POLH: variants seen among roughly 807,000 people sequenced by gnomAD.
POLH encodes the protein DNA polymerase eta transcript.
POLH carries 53 observed loss-of-function variants against 73.6 expected under a neutral mutation model. The observed-to-expected ratio is 0.72, with a 90% CI of 0.58 to 0.91. The LOEUF is 0.91. Ranked by LOEUF, POLH falls within the 40% of genes least tolerant of loss-of-function variation. POLH has a pLI of 0.00. For synonymous variants in POLH, 292 were observed against 308.5 expected (o/e 0.95, Z 0.56); for missense variants, 768 against 865.4 (o/e 0.89, Z 1.41).
chr6:43,576,894 G>A (rs1336771226), intron 1 of POLH, among the ~76,000 whole-genome samples: 1 of 152,204 alleles, frequency 6.6e-6, no homozygotes, highest in Non-Finnish European at 1.5e-5. Flanking sequence ...GGTGGCTCAC[G>A]CCTGTAATCC....
At chr6:43,579,565 T>G (rs1241332932) in intron 1 of POLH, among the ~76,000 whole-genome samples, 1 of 152,196 alleles carries the variant, frequency 6.6e-6, no homozygotes, top group East Asian at 1.9e-4. Context: ...ACTAGTAAAT[T>G]TGATTACCTG....
intron 7 of POLH, among the ~76,000 whole-genome samples, chr6:43,604,262 A>G (rs1227606643): frequency 6.6e-6 from 1 of 152,246 alleles, no homozygotes; most frequent in Non-Finnish European, 1.5e-5. Flanking sequence ...TACTAATTAC[A>G]TCATTCATGC....
chr6:43,589,879 A>AT (rs1188445812), intron 4 of POLH, among the ~76,000 whole-genome samples: 1 of 150,088 alleles, frequency 6.7e-6, no homozygotes, highest in Non-Finnish European at 1.5e-5. Context: ...GCTTTTATAT[A>AT]TTTTTTTCAT....
chr6:43,597,845 G>T lies in POLH; in HGVS notation c.640G>T (p.Ala214Ser). 1 of 1,613,686 alleles carries T rather than the reference G, an allele frequency of 6.2e-7. No homozygotes were observed. The highest frequency in any genetic ancestry group is 8.5e-7 in the Non-Finnish European group (1 of 1,179,606). Residue 214 changes from alanine (A) to serine (S), a missense_variant, in exon 5 of 11, where the codon GCT becomes TCT. Ala to Ser is a moderately conservative substitution (Grantham distance 99). Transcript: ENST00000372236. The stretch of plus-strand genomic sequence containing the variant: ...GAGGGAGACTGGTTTTCAGTGTTCA[G>T]CTGGAATTTCACACAATAAGGTGAA... ...IERETGFQCS[A>S]GISHNKVLAK...
intron 2 of POLH, 85 bp downstream of exon 2, chr6:43,582,541 T>C (rs1764393489): frequency 7.2e-7 from 1 of 1,384,136 alleles, no homozygotes; most frequent in Non-Finnish European, 1.0e-6. Context: ...GTGGTGGTGG[T>C]GGTGGTGACA....
At chr6:43,612,346 C>CT (rs112706817) in intron 10 of POLH, among the ~76,000 whole-genome samples, 18,837 of 137,388 alleles carry the variant, frequency 0.14, 3,028 homozygotes, top group African/African-American at 0.39. Context: ...TATTGGGATA[C>CT]TTTTTTTTTT....
intron 1 of POLH, among the ~76,000 whole-genome samples, chr6:43,580,638 C>G (rs1338696729): frequency 1.5e-5 from 2 of 132,730 alleles, no homozygotes; most frequent in Admixed American, 7.0e-5. Context: ...CCTCACCTCC[C>G]GGACGGGGCG....
chr6:43,580,483 CG>C lies in POLH; in HGVS notation c.-4-1831del, dbSNP rs1352394795. Among the ~76,000 whole-genome samples the C allele has an allele frequency of 4.7e-5, 7 of 149,166 alleles. No individual in the cohort carries two copies. In the East Asian group the frequency reaches 1.4e-3, roughly 31 times the overall value. The stretch of plus-strand genomic sequence containing the variant: ...GGGGCTCCTCACTTCCCAGTAGGGG[CG>C]GCCGGGCAGAGGCGCCCCTCACCTC... On this transcript the variant is annotated intron_variant, in intron 1 of 10. Transcript: ENST00000372236.
chr6:43,612,330 T>G (rs1767972898), intron 10 of POLH, among the ~76,000 whole-genome samples: 1 of 150,682 alleles, frequency 6.6e-6, no homozygotes, highest in Non-Finnish European at 1.5e-5. Context: ...GCATGAAACC[T>G]GAGGATATTG....
Position 43,603,377 on chromosome 6 carries a change from C to A in POLH, c.765-515C>A, listed in dbSNP as rs114563861. ...AACTCCTGGGCTCAGGTGATCCACT[C>A]GCTTCTGCCTCCCAAGTGCTAGGAC... On this transcript the variant is annotated intron_variant, in intron 6 of 10. Transcript: ENST00000372236. Among the ~76,000 whole-genome samples, 1,078 of 152,136 alleles carry A rather than the reference C, an allele frequency of 7.1e-3. 9 individuals are homozygous for A. Among genetic ancestry groups the A allele is most frequent in the African/African-American group, 0.025 (1,029 of 41,492 alleles).
intron 9 of POLH, among the ~76,000 whole-genome samples, chr6:43,606,731 TTCTC>T (rs1334350501): frequency 1.3e-5 from 2 of 152,174 alleles, no homozygotes; most frequent in Non-Finnish European, 1.5e-5. Flanking sequence ...ACCCGGCAGT[TTCTC>T]TCTCCTTTTT....
rs1335369126 is a variant in POLH, at chr6:43,617,830, A to G, written c.*3273A>G. On this transcript the variant is annotated 3_prime_UTR_variant, in exon 11 of 11. Transcript: ENST00000372236. ...CAGCTACTTGGGAGGCTGAGGCAGA[A>G]GAATTGCTTGACCTGGGAGGCGGAG... Among the ~76,000 whole-genome samples, 1 of 152,114 alleles carries G rather than the reference A, an allele frequency of 6.6e-6. No homozygotes were observed. The highest frequency in any genetic ancestry group is 6.5e-5 in the Admixed American group (1 of 15,278).
In POLH at chr6:43,614,041, A is replaced by G. The variant is rs1233049580; in HGVS notation, c.1626A>G (p.Lys542=). 6.2e-7 allele frequency: 1 copy of G among 1,614,200 alleles called. No individual in the cohort carries two copies. The highest frequency in any genetic ancestry group is 8.5e-7 in the Non-Finnish European group (1 of 1,180,052). The change falls in exon 11 of 11, where the codon AAA becomes AAG. Residue 542 remains lysine (K), a synonymous_variant. Transcript: ENST00000372236. ...FKQKSLLLKQ[K]QLNNSSVSSP... ...AGAAAAGTCTGCTTCTAAAGCAGAAACAGCTTAATAATTCTTCAGTTTCTT... is the reference window on the plus strand; with the variant it reads ...AGAAAAGTCTGCTTCTAAAGCAGAAGCAGCTTAATAATTCTTCAGTTTCTT...
intron 6 of POLH, 37 bp from the exon 7 acceptor site, chr6:43,603,855 A>AT: frequency 2.5e-6 from 4 of 1,609,630 alleles, no homozygotes; most frequent in Non-Finnish European, 3.4e-6. Flanking sequence ...GATAGTTATG[A>AT]TGTGACCTAT....
At chr6:43,605,200 C>G (rs1162620741) in intron 8 of POLH, 54 bp from the exon 9 acceptor site, 4 of 1,022,540 alleles carry the variant, frequency 3.9e-6, no homozygotes, top group Admixed American at 1.8e-5. Context: ...CCATCTAGTT[C>G]TTAATAGACT....
In POLH at chr6:43,603,947, T is replaced by A; in HGVS notation, c.820T>A (p.Tyr274Asn). 1 of 1,612,604 alleles carries A rather than the reference T, an allele frequency of 6.2e-7. No individual in the cohort carries two copies. Among genetic ancestry groups the A allele is most frequent in the Non-Finnish European group, 8.5e-7 (1 of 1,178,618 alleles). ...ASVIEILGIE[Y>N]MGELTQFTES... is the part of the protein sequence containing the mutation. ...TGTCATTGAGATCCTAGGGATAGAA[T>A]ACATGGGTGAACTGACCCAGTTCAC... Residue 274 changes from tyrosine to asparagine, a missense_variant, in exon 7 of 11, where the codon TAC becomes AAC. Tyr to Asn is a moderately radical substitution (Grantham distance 143). Coordinates refer to ENST00000372236, the MANE Select transcript of POLH (RefSeq NM_006502.3).
intron 1 of POLH, among the ~76,000 whole-genome samples, chr6:43,579,284 G>C (rs540333208): frequency 1.3e-5 from 2 of 152,306 alleles, no homozygotes; most frequent in African/African-American, 4.8e-5. Context: ...CCTGGAGAAA[G>C]GAATGCTACC....
chr6:43,609,993 T>C (rs1767704926), intron 9 of POLH, among the ~76,000 whole-genome samples: 1 of 152,106 alleles, frequency 6.6e-6, no homozygotes, highest in Non-Finnish European at 1.5e-5. Context: ...TTAACACTTT[T>C]TTGTGGAACC....
chr6:43,597,150 C>T (rs1766160588), intron 4 of POLH, among the ~76,000 whole-genome samples: 2 of 152,030 alleles, frequency 1.3e-5, no homozygotes, highest in Admixed American at 1.3e-4. Flanking sequence ...AAGTCTTGCT[C>T]TGTCGCCCAG....
Sources: allele counts gnomAD v4.1 joint callset (sites outside exome capture counted in the v4.1 genomes callset), GRCh38; gene constraint gnomAD v4.1.1; transcripts MANE v1.5; gene names NCBI Gene and HGNC (gene_info 2026-07-23, HGNC 2026-07-21).